Variants in DLG2 observed in about 807,000 individuals in gnomAD.
DLG2 encodes the protein disks large homolog 2.
Under a neutral mutation model 132.5 loss-of-function variants are expected in DLG2, and 45 were observed. The observed-to-expected ratio is 0.34, with a 90% CI of 0.27 to 0.44. The LOEUF (loss-of-function observed/expected upper bound fraction) is 0.44, where lower values mean the gene tolerates loss of function less well. DLG2 is among the 20% of genes least tolerant of loss of function. The pLI, the probability that DLG2 is intolerant of heterozygous loss-of-function variation, is 1.00. For missense variants in DLG2, 1,045 were observed against 1,196.9 expected, an observed-to-expected ratio of 0.87 and a Z score of 1.87; for synonymous variants, 424 against 419.6, an observed-to-expected ratio of 1.01 and a Z score of -0.13.
intron 6 of DLG2, among the ~76,000 whole-genome samples, chr11:85,060,175 A>G (rs532856727): frequency 8.6e-4 from 130 of 151,582 alleles, no homozygotes; most frequent in South Asian, 3.9e-3. Context: ...GACACTTCAC[A>G]TAACTGGAAT....
chr11:85,132,686 C>T, intron 5 of DLG2: 1 of 455,486 alleles, frequency 2.2e-6, no homozygotes, highest in South Asian at 1.6e-5. Flanking sequence ...ACTGGCAGCA[C>T]CTACTAGAAC....
chr11:83,544,301 A>C (rs1210250561), intron 19 of DLG2, among the ~76,000 whole-genome samples: 6 of 152,174 alleles, frequency 3.9e-5, no homozygotes, highest in Non-Finnish European at 8.8e-5. Flanking sequence ...TATCCTAGTG[A>C]GTCATCAACC....
intron 3 of DLG2, among the ~76,000 whole-genome samples, chr11:85,582,768 T>C (rs994960803): frequency 7.4e-5 from 11 of 149,158 alleles, no homozygotes; most frequent in African/African-American, 2.7e-4. Flanking sequence ...GAATAACTTT[T>C]TTTTCAAAAC....
chr11:83,954,897 T>C (rs1285987419), intron 14 of DLG2, among the ~76,000 whole-genome samples: 1 of 152,214 alleles, frequency 6.6e-6, no homozygotes, highest in African/African-American at 2.4e-5. Flanking sequence ...TCAGACTATA[T>C]GACTCTCTGT....
intron 16 of DLG2, among the ~76,000 whole-genome samples, chr11:83,842,993 T>C (rs1306122559): frequency 1.3e-5 from 2 of 152,138 alleles, no homozygotes; most frequent in Admixed American, 6.5e-5. Flanking sequence ...GATATAAATA[T>C]GTTTTCATTG....
At chr11:83,814,989 A>G (rs891857874) in intron 17 of DLG2, 1 of 158,484 alleles carries the variant, frequency 6.3e-6, no homozygotes, top group Non-Finnish European at 1.4e-5. Flanking sequence ...ATGGGTTTTG[A>G]AAAATGTACT....
intron 3 of DLG2, among the ~76,000 whole-genome samples, chr11:85,449,431 T>C (rs1234365087): frequency 2.0e-5 from 3 of 152,160 alleles, no homozygotes; most frequent in Non-Finnish European, 4.4e-5. Context: ...ATCTTCTTTT[T>C]AACCATCTAC....
intron 18 of DLG2, among the ~76,000 whole-genome samples, chr11:83,723,531 G>C (rs558881883): frequency 6.6e-6 from 1 of 152,210 alleles, no homozygotes; most frequent in East Asian, 1.9e-4. Flanking sequence ...TTTGTGCTGG[G>C]TGCAATGCTG....
chr11:84,270,078 A>T (rs2097700111), intron 7 of DLG2, among the ~76,000 whole-genome samples: 1 of 152,172 alleles, frequency 6.6e-6, no homozygotes, highest in Non-Finnish European at 1.5e-5. Context: ...TAATTATGAG[A>T]CTGTTTTTAT....
intron 6 of DLG2, among the ~76,000 whole-genome samples, chr11:84,607,946 C>T (rs889314344): frequency 3.3e-5 from 5 of 152,146 alleles, no homozygotes; most frequent in Non-Finnish European, 7.4e-5. Context: ...ACTCTAACAA[C>T]CAGTCTCTCT....
chr11:85,493,406 GT>G (rs2093605244), intron 3 of DLG2, among the ~76,000 whole-genome samples: 1 of 152,018 alleles, frequency 6.6e-6, no homozygotes. Flanking sequence ...CTGCTTAAAT[GT>G]CACCTTCTAA....
intron 11 of DLG2, among the ~76,000 whole-genome samples, chr11:83,989,891 T>C (rs971707469): frequency 1.3e-5 from 2 of 152,174 alleles, no homozygotes; most frequent in Non-Finnish European, 2.9e-5. Context: ...AGTGATAGTT[T>C]TGTAACAACT....
chr11:85,103,882 C>CA (rs2071277073), intron 6 of DLG2, among the ~76,000 whole-genome samples: 1 of 151,742 alleles, frequency 6.6e-6, no homozygotes, highest in Non-Finnish European at 1.5e-5. Context: ...AATAAAAAGA[C>CA]AAAAGCATTA....
chr11:84,840,668 A>G (rs926335279), intron 6 of DLG2, among the ~76,000 whole-genome samples: 1 of 152,190 alleles, frequency 6.6e-6, no homozygotes, highest in African/African-American at 2.4e-5. Context: ...GCCATTAAAA[A>G]GGATGAGTTT....
chr11:84,177,769 G>T lies in DLG2; in HGVS notation c.574-14258C>A, dbSNP rs79829075. 2.0e-3 allele frequency among the ~76,000 whole-genome samples: 301 copies of T among 152,188 alleles called. 2 individuals carry two copies. The highest frequency in any genetic ancestry group is 7.1e-3 in the African/African-American group (295 of 41,548). On this transcript the variant is annotated intron_variant, in intron 8 of 27. Transcript: ENST00000376104. Reference sequence around the variant, plus strand: ...AGGATTGTGAAGGATAAATGAACTAGTAAATTAGTGTAAATTAATTTAAAT... The same window carrying T: ...AGGATTGTGAAGGATAAATGAACTATTAAATTAGTGTAAATTAATTTAAAT...
chr11:84,046,509 T>C (rs1467117586), intron 11 of DLG2, among the ~76,000 whole-genome samples: 1 of 151,594 alleles, frequency 6.6e-6, no homozygotes, highest in Non-Finnish European at 1.5e-5. Context: ...GAACTGTTGC[T>C]TCATGTGACT....
intron 12 of DLG2, among the ~76,000 whole-genome samples, chr11:83,978,036 T>C (rs1424727096): frequency 6.6e-6 from 1 of 152,056 alleles, no homozygotes; most frequent in African/African-American, 2.4e-5. Context: ...TCTGTAAACT[T>C]GGAAAAGTTA....
chr11:83,994,291 A>C (rs964762672), intron 11 of DLG2, among the ~76,000 whole-genome samples: 2 of 152,214 alleles, frequency 1.3e-5, no homozygotes, highest in African/African-American at 4.8e-5. Flanking sequence ...GGAATATCTC[A>C]TTCCCCCACG....
At chr11:85,215,084 TA>T (rs2082493583) in intron 4 of DLG2, among the ~76,000 whole-genome samples, 1 of 152,134 alleles carries the variant, frequency 6.6e-6, no homozygotes, top group African/African-American at 2.4e-5. Flanking sequence ...GAAACTGAAA[TA>T]AAAATTCCAA....
Sources: gnomAD v4.1 joint callset for allele counts (sites outside exome capture counted in the v4.1 genomes callset) on GRCh38, gnomAD v4.1.1 for gene constraint, MANE v1.5 for transcripts, NCBI Gene and HGNC (gene_info 2026-07-23, HGNC 2026-07-21) for gene names.